Variants in ADD3 observed in about 807,000 individuals in gnomAD.
ADD3 encodes gamma-adducin.
A neutral mutation model predicts 80.2 loss-of-function variants in ADD3; 25 were observed. The observed-to-expected ratio is 0.31, with a 90% CI of 0.23 to 0.44. ADD3 has a LOEUF of 0.44. Among genes scored for constraint, ADD3 ranks in the 20% least tolerant of loss-of-function variants. The pLI is 1.00. For synonymous variants in ADD3, 284 were observed against 289.6 expected (o/e 0.98, Z 0.20); for missense variants, 829 against 847.5 (o/e 0.98, Z 0.27).
chr10:110,130,227 T>G, intron 12 of ADD3, 136 bp from the exon 13 acceptor site: 10 of 864,198 alleles, frequency 1.2e-5, no homozygotes, highest in Non-Finnish European at 1.8e-5. Flanking sequence ...CATGTTACCT[T>G]GCATTTCTTA....
At chr10:110,011,577 T>A (rs181450536) in intron 1 of ADD3, among the ~76,000 whole-genome samples, 241 of 152,356 alleles carry the variant, frequency 1.6e-3, no homozygotes, top group African/African-American at 5.0e-3. Context: ...AAACACTGTT[T>A]TTGTTATAAT....
intron 1 of ADD3, among the ~76,000 whole-genome samples, chr10:110,070,655 T>G (rs1020725054): frequency 1.3e-5 from 2 of 152,070 alleles, no homozygotes; most frequent in Non-Finnish European, 2.9e-5. Flanking sequence ...TGCCACTGAG[T>G]ATATAGCAAA....
chr10:110,118,019 TACAC>T (rs148105742), intron 5 of ADD3, among the ~76,000 whole-genome samples: 12,035 of 125,206 alleles, frequency 0.096, 514 homozygotes, highest in Admixed American at 0.12. Context: ...CTGTCTTCAA[TACAC>T]ACACACACAC....
intron 1 of ADD3, among the ~76,000 whole-genome samples, chr10:110,084,657 A>C (rs930779316): frequency 6.6e-6 from 1 of 152,182 alleles, no homozygotes; most frequent in East Asian, 1.9e-4. Flanking sequence ...ATTTGATAAT[A>C]TCTTACATCC....
chr10:110,117,686 A>G (rs374280270), intron 5 of ADD3, among the ~76,000 whole-genome samples: 4 of 150,630 alleles, frequency 2.7e-5, no homozygotes, highest in African/African-American at 9.9e-5. Context: ...TTACCACCCT[A>G]TACACTCAGA....
intron 1 of ADD3, among the ~76,000 whole-genome samples, chr10:110,037,932 G>A (rs1342893214): frequency 6.6e-6 from 1 of 151,788 alleles, no homozygotes; most frequent in Admixed American, 6.6e-5. Context: ...CTGGGTGTGT[G>A]GTGGCACATG....
intron 12 of ADD3, among the ~76,000 whole-genome samples, chr10:110,129,979 A>T (rs1021060745): frequency 6.6e-6 from 1 of 152,170 alleles, no homozygotes; most frequent in Admixed American, 6.5e-5. Flanking sequence ...GATTTAAAGA[A>T]CTACTTTTGG....
chr10:110,045,182 C>T (rs1589852924), intron 1 of ADD3, among the ~76,000 whole-genome samples: 3 of 152,186 alleles, frequency 2.0e-5, no homozygotes, highest in African/African-American at 7.2e-5. Flanking sequence ...AGTGAAACCC[C>T]GTCTCTACTA....
chr10:110,006,439 A>G (rs934657297), upstream of ADD3, among the ~76,000 whole-genome samples: 1 of 152,186 alleles, frequency 6.6e-6, no homozygotes, highest in Non-Finnish European at 1.5e-5. Flanking sequence ...CACTCCCAAT[A>G]TCTCTCTCAA....
intron 3 of ADD3, among the ~76,000 whole-genome samples, chr10:110,113,453 G>T (rs1850307403): frequency 6.6e-6 from 1 of 152,074 alleles, no homozygotes; most frequent in South Asian, 2.1e-4. Flanking sequence ...ATTTTTAGTA[G>T]AGACGGGGTT....
intron 1 of ADD3, among the ~76,000 whole-genome samples, chr10:110,054,355 G>A (rs2133425859): frequency 6.6e-6 from 1 of 151,700 alleles, no homozygotes; most frequent in Admixed American, 6.6e-5. Flanking sequence ...AGGGAGTCTT[G>A]AGTTTAGAAT....
chr10:110,100,555 G>C, intron 1 of ADD3, 70 bp from the exon 2 acceptor site: 2 of 1,053,524 alleles, frequency 1.9e-6, no homozygotes, highest in Non-Finnish European at 2.6e-6. Context: ...TAAAAGTTCT[G>C]CTTGACCCAT....
intron 2 of ADD3, among the ~76,000 whole-genome samples, chr10:110,103,850 G>T (rs1034869447): frequency 1.3e-5 from 2 of 152,104 alleles, no homozygotes; most frequent in Non-Finnish European, 2.9e-5. Context: ...ACAGGTATGT[G>T]CCACCATGCC....
chr10:110,011,632 T>G (rs1000655104), intron 1 of ADD3, among the ~76,000 whole-genome samples: 3 of 152,234 alleles, frequency 2.0e-5, no homozygotes, highest in African/African-American at 7.2e-5. Flanking sequence ...ATGTAGAGTT[T>G]GAATTTTTAA....
intron 1 of ADD3, among the ~76,000 whole-genome samples, chr10:110,058,293 T>C (rs1057103528): frequency 1.3e-5 from 2 of 152,198 alleles, no homozygotes; most frequent in African/African-American, 2.4e-5. Context: ...ATTTCCACTT[T>C]AACGTGAACT....
chr10:110,104,261 T>TAGGAC (rs1380798837), intron 2 of ADD3, among the ~76,000 whole-genome samples: 1 of 152,230 alleles, frequency 6.6e-6, no homozygotes, highest in African/African-American at 2.4e-5. Context: ...GTGTTTTGAT[T>TAGGAC]AGGACTCAGT....
chr10:110,003,091 A>T (rs1367467795), upstream of ADD3, among the ~76,000 whole-genome samples: 1 of 152,210 alleles, frequency 6.6e-6, no homozygotes, highest in Non-Finnish European at 1.5e-5. Flanking sequence ...CACTGATTAA[A>T]TACATAACAT....
At chr10:110,004,531 G>T (rs1455509902), upstream of ADD3, among the ~76,000 whole-genome samples, 1 of 151,570 alleles carries the variant, frequency 6.6e-6, no homozygotes, top group Non-Finnish European at 1.5e-5. Flanking sequence ...GGATGGTCTT[G>T]ATCTCTTGAC....
At chr10:110,074,480 C>T (rs540570832) in intron 1 of ADD3, among the ~76,000 whole-genome samples, 5 of 151,968 alleles carry the variant, frequency 3.3e-5, no homozygotes, top group East Asian at 1.9e-4. Context: ...ACTAGGAGTG[C>T]GTGAACTCTT....
Sources: allele counts gnomAD v4.1 joint callset (sites outside exome capture counted in the v4.1 genomes callset), GRCh38; gene constraint gnomAD v4.1.1; transcripts MANE v1.5; gene names NCBI Gene and HGNC (gene_info 2026-07-23, HGNC 2026-07-21).